The following TEP1 variants were observed in gnomAD, a reference collection of about 807,000 sequenced individuals.
TEP1 encodes telomerase protein component 1.
Under a neutral mutation model 306.3 loss-of-function variants are expected in TEP1, and 241 were observed. The ratio of observed to expected loss-of-function variants is 0.79; its 90% CI spans 0.71 to 0.88. The LOEUF (loss-of-function observed/expected upper bound fraction) is 0.88. TEP1 is among the 40% of genes least tolerant of loss of function. The probability of loss-of-function intolerance (pLI) is 0.00; values close to 1 mark genes in which losing one functional copy is unlikely to be tolerated. For synonymous variants in TEP1, 1,289 were observed against 1,305.5 expected, an observed-to-expected ratio of 0.99 and a Z score of 0.27; for missense variants, 3,051 against 3,276.1, an observed-to-expected ratio of 0.93 and a Z score of 1.68.
In TEP1 at chr14:20,391,768, C is replaced by T. The variant is rs1488659998; in HGVS notation, c.1929-1G>A. The T allele has an allele frequency of 6.2e-7, 1 of 1,613,596 alleles. No individual in the cohort carries two copies. The highest frequency in any genetic ancestry group is 1.7e-5 in the Admixed American group (1 of 59,994). The stretch of plus-strand genomic sequence containing the variant: ...CATCTCACCATCATATTTCCACTGT[C>T]TACATGCAAGAAAGACACAGACACA... On this transcript the variant is annotated splice_acceptor_variant, in intron 12 of 54. Transcript: ENST00000262715. LOFTEE classifies it high-confidence loss of function.
At chr14:20,391,534 T>C in intron 13 of TEP1, 65 bp downstream of exon 13, 1 of 1,538,352 alleles carries the variant, frequency 6.5e-7, no homozygotes, top group African/African-American at 1.4e-5. Context: ...GGGAACAGGA[T>C]ACTGCTCAGG....
At chr14:20,413,157 C>T (rs1879804455) in intron 1 of TEP1, among the ~76,000 whole-genome samples, 1 of 152,152 alleles carries the variant, frequency 6.6e-6, no homozygotes, top group South Asian at 2.1e-4. Flanking sequence ...CTCCTTCAGC[C>T]TTCTCCTCCT....
chr14:20,370,281 C>A (rs764461689), intron 51 of TEP1, among the ~76,000 whole-genome samples: 1 of 152,170 alleles, frequency 6.6e-6, no homozygotes, highest in Non-Finnish European at 1.5e-5. Flanking sequence ...TGCAGTCACC[C>A]GACAGATCAA....
intron 12 of TEP1, among the ~76,000 whole-genome samples, chr14:20,395,197 A>G (rs1878093028): frequency 1.3e-5 from 2 of 152,238 alleles, no homozygotes; most frequent in African/African-American, 4.8e-5. Context: ...AAAAGAAAGG[A>G]ATCTACATAA....
At chr14:20,403,516 G>A (rs1878925654) in intron 6 of TEP1, 68 bp from the exon 7 acceptor site, 1 of 1,606,116 alleles carries the variant, frequency 6.2e-7, no homozygotes, top group Non-Finnish European at 8.5e-7. Flanking sequence ...CCAGTCAATA[G>A]CCCTGAAGGT....
rs758674693 is a variant in TEP1, at chr14:20,382,230, G to A, written c.4267C>T (p.Arg1423Trp). 21 of 1,613,960 alleles carry A rather than the reference G, an allele frequency of 1.3e-5. No individual in the cohort carries two copies. The South Asian group carries it at 1.4e-4, about 11-fold the overall frequency. Residue 1423 changes from arginine (R) to tryptophan (W), a missense_variant, in exon 29 of 55, where the codon CGG becomes TGG. Physicochemically the swap from Arg to Trp is moderately radical, Grantham distance 101. Transcript: ENST00000262715. Reference protein sequence around the residue: ...PQALTALEVTRSGLTVDQLHG... With the variant: ...PQALTALEVTWSGLTVDQLHG... ...ACCCACCCCAAGCACTGACCACTCCGTGTGACTTCTAGGGCAGTCAAGGCC... is the reference window on the plus strand; with the variant it reads ...ACCCACCCCAAGCACTGACCACTCCATGTGACTTCTAGGGCAGTCAAGGCC...
In TEP1 at chr14:20,410,020, C is replaced by CAAAAAAAAAAAAAAAAAA. The variant is rs570672845; in HGVS notation, c.-24-1575_-24-1558dup. On this transcript the variant is annotated intron_variant, in intron 1 of 54. Transcript: ENST00000262715. ...TGGGCGACAGAGCAAGACTCTGTCT[C>CAAAAAAAAAAAAAAAAAA]AAAAAAAAAAAAAAAAAAAAAAAAA... Among the ~76,000 whole-genome samples the CAAAAAAAAAAAAAAAAAA allele has an allele frequency of 4.4e-4, 26 of 58,954 alleles. 2 individuals carry two copies. Among genetic ancestry groups the CAAAAAAAAAAAAAAAAAA allele is most frequent in the South Asian group, 1.5e-3 (2 of 1,312 alleles). 38.7% of individuals were successfully genotyped at this position (58,954 alleles called of 152,430 possible).
At position 20,405,474 on chromosome 14, in the gene TEP1, G is replaced by A. The variant is rs1879106906; in HGVS notation, c.847C>T (p.Leu283=). The A allele has an allele frequency of 6.2e-7, 1 of 1,614,090 alleles. No homozygotes were observed. The highest frequency in any genetic ancestry group is 1.1e-5 in the South Asian group (1 of 91,076). Residue 283 remains leucine, a synonymous_variant, in exon 4 of 55, where the codon CTG becomes TTG. Coordinates refer to ENST00000262715, the MANE Select transcript of TEP1 (RefSeq NM_007110.5). ...IFEICRELAL[L]EPEFILKASL... is the part of the protein sequence containing the mutation. ...ACCTTGAGGATAAACTCAGGCTCCAGGAGGGCAAGTTCACGACAGATTTCA... is the reference window on the plus strand; with the variant it reads ...ACCTTGAGGATAAACTCAGGCTCCAAGAGGGCAAGTTCACGACAGATTTCA...
Position 20,389,717 on chromosome 14 carries a change from G to T in TEP1, c.2358C>A (p.Gly786=). 10 of 1,614,204 alleles carry T rather than the reference G, an allele frequency of 6.2e-6. No individual in the cohort carries two copies. The highest frequency in any genetic ancestry group is 8.5e-6 in the Non-Finnish European group (10 of 1,180,030). The part of the protein sequence containing the change: ...RVPVDRVILL[G]QSMDDGMINV... ...TTATCATTCCATCATCCATGCTTTGGCCAAGGAGGATGACCCTGTCCACCT... is the reference window on the plus strand; with the variant it reads ...TTATCATTCCATCATCCATGCTTTGTCCAAGGAGGATGACCCTGTCCACCT... Residue 786 remains glycine (G), a synonymous_variant, in exon 16 of 55, where the codon GGC becomes GGA. Transcript: ENST00000262715.
chr14:20,369,495 C>T lies in TEP1; in HGVS notation c.7505G>A (p.Gly2502Asp). 6.2e-7 allele frequency: 1 copy of T among 1,614,170 alleles called. No individual in the cohort carries two copies. Among genetic ancestry groups the T allele is most frequent in the Non-Finnish European group, 8.5e-7 (1 of 1,180,034 alleles). ...GTTTGCTTTTTTCTGCCACATGTTA[C>T]CTGTGGTCCATTCTCCTTCTGGGCT... ...KCSPEGEWTT[G>D]NMWQKKANTP... The change falls in exon 53 of 55, where the codon GGT becomes GAT. Residue 2502 changes from glycine to aspartate, a missense_variant. Physicochemically the swap from Gly to Asp is moderately conservative, Grantham distance 94. Around this residue, in one of 3 missense-constraint regions of TEP1, gnomAD observed 1,540 missense variants for 1,705.9 expected, o/e 0.90. Coordinates refer to ENST00000262715, the MANE Select transcript of TEP1 (RefSeq NM_007110.5).
intron 41 of TEP1, 26 bp from the exon 42 acceptor site, chr14:20,376,290 C>T (rs1186309827): frequency 1.9e-6 from 3 of 1,600,900 alleles, no homozygotes; most frequent in African/African-American, 1.3e-5. Flanking sequence ...AGAGAGGGAA[C>T]AGCTTCCTGA....
intron 18 of TEP1, 57 bp downstream of exon 18, chr14:20,387,848 C>T (rs1010057469): frequency 6.5e-7 from 1 of 1,539,110 alleles, no homozygotes; most frequent in Non-Finnish European, 8.7e-7. Flanking sequence ...CCCAGGGTTT[C>T]CCAAGGTTTG....
In TEP1 at chr14:20,368,544, A is replaced by G. The variant is rs1198614182; in HGVS notation, c.7777T>C (p.Cys2593Arg). The change falls in exon 55 of 55, where the codon TGC becomes CGC. Residue 2593 changes from cysteine to arginine, a missense_variant. Coordinates refer to ENST00000262715, the MANE Select transcript of TEP1 (RefSeq NM_007110.5). ...TCCAGGCAGCTCACTGACCCTTCGC[A>G]TCGGAACAGGCCCAGCTACGATGGG... ...PSMQLLGLFR[C>R]EGSVSCLEPW... 1.2e-5 allele frequency: 20 copies of G among 1,614,168 alleles called. No homozygotes were observed. Among genetic ancestry groups the G allele is most frequent in the Non-Finnish European group, 1.6e-5 (19 of 1,180,028 alleles).
At chr14:20,375,717 C>T in intron 43 of TEP1, 38 bp downstream of exon 43, 1 of 1,449,356 alleles carries the variant, frequency 6.9e-7, no homozygotes, top group African/African-American at 1.4e-5. Context: ...CCCCAGGAAC[C>T]CAGCTGGGCT....
chr14:20,369,327 C>G lies in TEP1; in HGVS notation c.7656+17G>C, dbSNP rs1475338805. On this transcript the variant is annotated intron_variant, in intron 53 of 54. Coordinates refer to ENST00000262715, the MANE Select transcript of TEP1 (RefSeq NM_007110.5). ...CCAGCCCTCCCCTAGTATTTCTGAC[C>G]CTTCCTTCAAACTCACCTTTCTACG... The G allele has an allele frequency of 1.2e-6, 2 of 1,613,692 alleles. No individual in the cohort carries two copies. The highest frequency in any genetic ancestry group is 1.7e-5 in the Admixed American group (1 of 60,014).
rs761373776 is a variant in TEP1, at chr14:20,383,812, A to G, written c.3641T>C (p.Leu1214Pro). 8 of 1,609,746 alleles carry G rather than the reference A, an allele frequency of 5.0e-6. No individual in the cohort carries two copies. The South Asian group carries it at 8.8e-5, about 18-fold the overall frequency. ...CAGATAGGTACAGAGGCGTCTGAGC[A>G]GAGTGAGGGCAAGACCCTGGTCAGG... Reference protein sequence around the residue: ...ARPDQGLALTLLRRLCTYLRG... With the variant: ...ARPDQGLALTPLRRLCTYLRG... The change falls in exon 25 of 55, where the codon CTG (leucine) becomes CCG (proline). Residue 1214 changes from leucine (L) to proline (P), a missense_variant. Around this residue, in one of 3 missense-constraint regions of TEP1, gnomAD observed 1,507 missense variants for 1,550.5 expected, o/e 0.97. Transcript: ENST00000262715.
chr14:20,392,933 T>C (rs1040503678), intron 12 of TEP1, among the ~76,000 whole-genome samples: 1 of 152,098 alleles, frequency 6.6e-6, no homozygotes, highest in African/African-American at 2.4e-5. Context: ...GTAAAGAAAA[T>C]GTAAGCCGGG....
At chr14:20,408,606 G>C (rs1458365198) in intron 1 of TEP1, 143 bp from the exon 2 acceptor site, 4 of 679,654 alleles carry the variant, frequency 5.9e-6, no homozygotes, top group African/African-American at 5.4e-5. Flanking sequence ...CCCAGGACTG[G>C]GTTCATCCAG....
At chr14:20,405,339 A>G in intron 4 of TEP1, 112 bp downstream of exon 4, 1 of 1,434,202 alleles carries the variant, frequency 7.0e-7, no homozygotes, top group Non-Finnish European at 9.5e-7. Flanking sequence ...CCTTCCTAAG[A>G]GAAGCTCCTC....
Sources: allele counts gnomAD v4.1 joint callset (sites outside exome capture counted in the v4.1 genomes callset), GRCh38; gene constraint gnomAD v4.1.1; regional missense constraint gnomAD v4.1.1; transcripts MANE v1.5; gene names NCBI Gene and HGNC (gene_info 2026-07-23, HGNC 2026-07-21).